Variants in SATB2 observed in about 807,000 individuals in gnomAD.
The protein encoded by SATB2 is DNA-binding protein SATB2.
Under a neutral mutation model 73.4 loss-of-function variants are expected in SATB2, and 1 was observed. That is an observed-to-expected ratio of 0.01 (90% CI 0.00 to 0.06). The LOEUF is 0.06. Ranked by LOEUF, SATB2 falls within the 10% of genes least tolerant of loss-of-function variation. The pLI is 1.00. For synonymous variants in SATB2, 397 were observed against 367.0 expected, an observed-to-expected ratio of 1.08 and a Z score of -0.93; for missense variants, 459 against 945.8, an observed-to-expected ratio of 0.49 and a Z score of 6.75.
intron 7 of SATB2, among the ~76,000 whole-genome samples, chr2:199,338,520 C>T (rs1240168342): frequency 6.6e-6 from 1 of 152,064 alleles, no homozygotes; most frequent in Non-Finnish European, 1.5e-5. Flanking sequence ...GCTTATAAAA[C>T]TTACCAAAAG....
intron 3 of SATB2, among the ~76,000 whole-genome samples, chr2:199,387,461 G>GA (rs1355894787): frequency 1.3e-5 from 2 of 152,146 alleles, no homozygotes; most frequent in South Asian, 2.1e-4. Context: ...GACTTCTCTG[G>GA]AAAAAACAGT....
At chr2:199,465,356 A>G (rs146789901), upstream of SATB2, among the ~76,000 whole-genome samples, 87 of 152,376 alleles carry the variant, frequency 5.7e-4, no homozygotes, top group Non-Finnish European at 1.1e-3. Flanking sequence ...GAATATCTAA[A>G]GACTGTCCCG....
At chr2:199,364,668 A>G (rs1264710472) in intron 6 of SATB2, among the ~76,000 whole-genome samples, 1 of 152,110 alleles carries the variant, frequency 6.6e-6, no homozygotes, top group Non-Finnish European at 1.5e-5. Context: ...TTTTATAATA[A>G]CCACCTGTAT....
At chr2:199,277,569 A>G (rs1474379085) in intron 10 of SATB2, among the ~76,000 whole-genome samples, 3 of 152,174 alleles carry the variant, frequency 2.0e-5, no homozygotes, top group African/African-American at 7.2e-5. Flanking sequence ...AATCTAGACA[A>G]CAAATTCATT....
At chr2:199,415,017 G>C (rs749177234) in intron 3 of SATB2, among the ~76,000 whole-genome samples, 2 of 152,004 alleles carry the variant, frequency 1.3e-5, no homozygotes, top group Non-Finnish European at 2.9e-5. Context: ...GCAAAACATC[G>C]GGGAAAATAA....
intron 8 of SATB2, among the ~76,000 whole-genome samples, chr2:199,324,490 C>A (rs1687978836): frequency 6.6e-6 from 1 of 152,136 alleles, no homozygotes; most frequent in South Asian, 2.1e-4. Flanking sequence ...CCCAGACAGT[C>A]ACCTAATTTC....
intron 3 of SATB2, among the ~76,000 whole-genome samples, chr2:199,389,957 G>A (rs374279911): frequency 1.7e-4 from 25 of 151,408 alleles, no homozygotes; most frequent in Middle Eastern, 3.4e-3. Flanking sequence ...ACAATTTTGC[G>A]GCATAAAGAT....
chr2:199,348,287 GT>G (rs1559174556), intron 7 of SATB2: 1 of 153,776 alleles, frequency 6.5e-6, no homozygotes. Context: ...CTTTTATAAC[GT>G]TCAAAACCAA....
At chr2:199,402,591 T>C (rs912279306) in intron 3 of SATB2, among the ~76,000 whole-genome samples, 1 of 152,202 alleles carries the variant, frequency 6.6e-6, no homozygotes, top group African/African-American at 2.4e-5. Context: ...TGATCCATTA[T>C]CACTGAGATC....
intron 3 of SATB2, among the ~76,000 whole-genome samples, chr2:199,432,895 A>G (rs1223858354): frequency 6.6e-6 from 1 of 152,250 alleles, no homozygotes; most frequent in Non-Finnish European, 1.5e-5. Context: ...GTTTTCAAAG[A>G]AACAAAAGGA....
chr2:199,299,028 C>T (rs1367194686), intron 10 of SATB2, among the ~76,000 whole-genome samples: 2 of 152,140 alleles, frequency 1.3e-5, no homozygotes, highest in African/African-American at 4.8e-5. Flanking sequence ...TAAAGGCACA[C>T]CAAATGAGCC....
intron 10 of SATB2, among the ~76,000 whole-genome samples, chr2:199,275,444 A>C (rs1692284272): frequency 1.3e-5 from 2 of 150,690 alleles, no homozygotes; most frequent in Admixed American, 6.7e-5. Flanking sequence ...CACATGGATT[A>C]ATTAACTGAA....
chr2:199,422,037 A>G lies in SATB2; in HGVS notation c.346+11301T>C, dbSNP rs76401131. ...ATCCTTCCATTAATAGATAATCAAG[A>G]GAAAACTAATGTTTCTCATTTGATT... is the stretch of plus-strand genomic sequence containing the variant. On this transcript the variant is annotated intron_variant, in intron 3 of 10. Transcript: ENST00000417098. 9.6e-4 allele frequency among the ~76,000 whole-genome samples: 146 copies of G among 152,354 alleles called. No individual in the cohort carries two copies. The East Asian group carries it at 0.019, about 20-fold the overall frequency.
intron 2 of SATB2, among the ~76,000 whole-genome samples, chr2:199,446,888 A>G (rs1691978174): frequency 6.6e-6 from 1 of 152,198 alleles, no homozygotes; most frequent in Non-Finnish European, 1.5e-5. Flanking sequence ...TTGTCACCTC[A>G]GGAAGGTTTT....
upstream of SATB2, among the ~76,000 whole-genome samples, chr2:199,466,997 CAGAT>C (rs1281969317): frequency 6.6e-6 from 1 of 152,268 alleles, no homozygotes; most frequent in African/African-American, 2.4e-5. Context: ...TTTGGAAACT[CAGAT>C]AGAATCACAT....
chr2:199,298,755 A>C lies in SATB2; in HGVS notation c.1740+10005T>G, dbSNP rs572737291. Among the ~76,000 whole-genome samples the C allele has an allele frequency of 8.9e-4, 136 of 152,166 alleles. 1 individual carries two copies. The highest frequency in any genetic ancestry group is 1.5e-3 in the Non-Finnish European group (105 of 68,022). ...GTATGTGAAACAAGTGCACTGACCA[A>C]ACAGAGTGAAATAATGAGAATTTCA... On this transcript the variant is annotated intron_variant, in intron 10 of 10. Transcript: ENST00000417098.
At chr2:199,447,668 G>C (rs921192562) in intron 2 of SATB2, among the ~76,000 whole-genome samples, 7 of 152,152 alleles carry the variant, frequency 4.6e-5, no homozygotes, top group Non-Finnish European at 1.0e-4. Context: ...CAAAGTCAAT[G>C]GTCATTTGTA....
chr2:199,452,034 T>TA (rs541611427), intron 2 of SATB2, among the ~76,000 whole-genome samples: 5 of 152,078 alleles, frequency 3.3e-5, no homozygotes, highest in Admixed American at 2.6e-4. Context: ...GTTTTTTTAA[T>TA]AAAAAAAGCA....
At chr2:199,357,191 C>G (rs778518837) in intron 6 of SATB2, among the ~76,000 whole-genome samples, 3 of 152,184 alleles carry the variant, frequency 2.0e-5, no homozygotes, top group Non-Finnish European at 4.4e-5. Context: ...ATAAGTTTCA[C>G]TTTGTATTTG....
Sources: allele counts gnomAD v4.1 joint callset (sites outside exome capture counted in the v4.1 genomes callset), GRCh38; gene constraint gnomAD v4.1.1; transcripts MANE v1.5; gene names NCBI Gene and HGNC (gene_info 2026-07-23, HGNC 2026-07-21).